FNIP1: variants seen among roughly 807,000 people sequenced by gnomAD.
FNIP1 encodes the protein folliculin interacting protein 1, also known as folliculin-interacting protein 1.
In FNIP1, 40 loss-of-function variants were observed where a neutral mutation model predicts 124.5. That is an observed-to-expected ratio of 0.32 (90% confidence interval 0.25 to 0.42). The LOEUF is 0.42. Among genes scored for constraint, FNIP1 ranks in the 10% least tolerant of loss-of-function variants. The pLI, the probability that FNIP1 is intolerant of heterozygous loss-of-function variation, is 1.00. For missense variants in FNIP1, 1,176 were observed against 1,403.7 expected (o/e 0.84, Z 2.59); for synonymous variants, 472 against 470.6 (o/e 1.00, Z -0.04).
At chr5:131,793,765 G>A (rs1456420837) in intron 1 of FNIP1, among the ~76,000 whole-genome samples, 14 of 152,182 alleles carry the variant, frequency 9.2e-5, no homozygotes, top group Admixed American at 9.2e-4. Flanking sequence ...TCTAGGAACT[G>A]CCTCTTAGGG....
intron 11 of FNIP1, among the ~76,000 whole-genome samples, chr5:131,693,305 TATATATATATACAC>T (rs1768552195): frequency 3.4e-5 from 1 of 29,806 alleles, no homozygotes; most frequent in Non-Finnish European, 8.5e-5. Flanking sequence ...TACATATATA[TATATATATATACAC>T]ATATATATAT....
intron 14 of FNIP1, 30 bp downstream of exon 14, chr5:131,671,475 G>C (rs765769999): frequency 6.6e-7 from 1 of 1,513,020 alleles, no homozygotes; most frequent in Non-Finnish European, 9.0e-7. Context: ...TTTATATAGG[G>C]CCCATTATAG....
In FNIP1 at chr5:131,679,109, C is replaced by T. The variant is rs751192603; in HGVS notation, c.1269G>A (p.Ser423=). The stretch of plus-strand genomic sequence containing the variant: ...AAAGGTGGTTCTTTTCTGGAGTCCC[C>T]GACATCATTGTAAGCCAGACAGGTT... ...IGEPVWLTMM[S]GTPEKNHLCY... Residue 423 remains serine (S), a synonymous_variant, in exon 12 of 18, where the codon TCG becomes TCA. Transcript: ENST00000510461. 4.4e-6 allele frequency: 7 copies of T among 1,607,440 alleles called. No individual in the cohort carries two copies. Among genetic ancestry groups the T allele is most frequent in the South Asian group, 1.1e-5 (1 of 90,748 alleles).
At chr5:131,787,636 C>T (rs891722857) in intron 1 of FNIP1, among the ~76,000 whole-genome samples, 1 of 152,134 alleles carries the variant, frequency 6.6e-6, no homozygotes, top group African/African-American at 2.4e-5. Flanking sequence ...GTGCCTGTTT[C>T]CTCATCAATG....
chr5:131,760,160 CATA>C (rs1269559732), intron 1 of FNIP1, among the ~76,000 whole-genome samples: 1 of 152,032 alleles, frequency 6.6e-6, no homozygotes, highest in Non-Finnish European at 1.5e-5. Flanking sequence ...TGATGGAATC[CATA>C]CCCCAGACCT....
At chr5:131,767,948 T>C (rs1256338899) in intron 1 of FNIP1, among the ~76,000 whole-genome samples, 1 of 152,192 alleles carries the variant, frequency 6.6e-6, no homozygotes, top group African/African-American at 2.4e-5. Context: ...AGACTTATTT[T>C]GTCACAATAA....
At position 131,695,153 on chromosome 5, in the gene FNIP1, A is replaced by AAATAAATAAAGC. The variant is rs1333332410; in HGVS notation, c.1202+3763_1202+3764insGCTTTATTTATT. On this transcript the variant is annotated intron_variant, in intron 11 of 17. Coordinates refer to ENST00000510461, the MANE Select transcript of FNIP1 (RefSeq NM_133372.3). ...TAAATAAATAAATAAATAAATAAATAAAGCATTAACTGGGAAAACTGTAGG... is the reference window on the plus strand; with the variant it reads ...TAAATAAATAAATAAATAAATAAATAAATAAATAAAGCAAGCATTAACTGGGAAAACTGTAGG... Among the ~76,000 whole-genome samples the AAATAAATAAAGC allele has an allele frequency of 2.1e-3, 295 of 141,016 alleles. 1 individual carries two copies. The highest frequency in any genetic ancestry group is 7.2e-3 in the African/African-American group (284 of 39,228). The allele number at this position is 141,016 out of a possible 152,430, so 92.5% of individuals were successfully genotyped here.
At chr5:131,769,172 A>C (rs1561698777) in intron 1 of FNIP1, among the ~76,000 whole-genome samples, 1 of 152,196 alleles carries the variant, frequency 6.6e-6, no homozygotes, top group Non-Finnish European at 1.5e-5. Context: ...GAGAATCATA[A>C]AATAAACATA....
intron 1 of FNIP1, among the ~76,000 whole-genome samples, chr5:131,768,980 G>A (rs755449196): frequency 5.3e-5 from 8 of 151,928 alleles, no homozygotes; most frequent in East Asian, 1.9e-4. Flanking sequence ...AGAGAATACC[G>A]TTAACTATAA....
chr5:131,693,645 G>A (rs1768592052), intron 11 of FNIP1, among the ~76,000 whole-genome samples: 1 of 151,784 alleles, frequency 6.6e-6, no homozygotes, highest in Admixed American at 6.6e-5. Flanking sequence ...TTACACTGGA[G>A]ATAATCTAAA....
At chr5:131,655,752 C>CAA (rs35443566) in intron 15 of FNIP1, among the ~76,000 whole-genome samples, 1,709 of 139,792 alleles carry the variant, frequency 0.012, 24 homozygotes, top group African/African-American at 0.032. Context: ...ACTAAAAATA[C>CAA]AAAAAAAAAA....
intron 10 of FNIP1, among the ~76,000 whole-genome samples, chr5:131,700,755 C>T (rs1436592599): frequency 1.3e-5 from 2 of 151,834 alleles, no homozygotes; most frequent in Non-Finnish European, 2.9e-5. Context: ...AAAAAATAGT[C>T]TGAAAACTGG....
At chr5:131,756,849 C>A (rs141500653) in intron 1 of FNIP1, among the ~76,000 whole-genome samples, 47 of 152,116 alleles carry the variant, frequency 3.1e-4, no homozygotes, top group Admixed American at 1.5e-3. Flanking sequence ...GGAGCTAGCC[C>A]AAGAAAAGCA....
intron 1 of FNIP1, chr5:131,796,527 A>G: frequency 2.4e-6 from 1 of 414,386 alleles, no homozygotes; most frequent in Non-Finnish European, 4.3e-6. Context: ...GTGGACCCAA[A>G]GTCTCAGGCC....
rs377376603 is a variant in FNIP1 at position 131,732,554 on chromosome 5, C to T, written c.220-1516G>A. 1.4e-3 allele frequency among the ~76,000 whole-genome samples: 212 copies of T among 152,304 alleles called. No individual in the cohort carries two copies. The East Asian group carries it at 0.016, about 11-fold the overall frequency. ...GTTTCAGCTTTCTACATATGGCTAG[C>T]CAGTTTTCCCAGCACCATTTGTTAA... On this transcript the variant is annotated intron_variant, in intron 2 of 17. Coordinates refer to ENST00000510461, the MANE Select transcript of FNIP1 (RefSeq NM_133372.3).
At chr5:131,736,043 G>A (rs1284949856) in intron 2 of FNIP1, among the ~76,000 whole-genome samples, 2 of 152,016 alleles carry the variant, frequency 1.3e-5, no homozygotes, top group African/African-American at 4.8e-5. Context: ...ATCCCTGGCT[G>A]GGATTACAGG....
chr5:131,671,821 T>C lies in FNIP1; in HGVS notation c.2623A>G (p.Thr875Ala), dbSNP rs766303309. Reference protein sequence around the residue: ...CMLEFSKILCTKNNKQNNEFC... With the variant: ...CMLEFSKILCAKNNKQNNEFC... Reference sequence around the variant, plus strand: ...TCATTGTTCTGCTTGTTATTTTTTGTACACAATATTTTTGAAAACTCTAAC... The same window carrying C: ...TCATTGTTCTGCTTGTTATTTTTTGCACACAATATTTTTGAAAACTCTAAC... The change falls in exon 14 of 18, where the codon ACA becomes GCA. Residue 875 changes from threonine (T) to alanine (A), a missense_variant. By Grantham distance (58) the Thr-to-Ala change is moderately conservative. Around this residue, in one of 2 missense-constraint regions of FNIP1, gnomAD observed 1,109 missense variants for 1,288.5 expected, o/e 0.86. Coordinates refer to ENST00000510461, the MANE Select transcript of FNIP1 (RefSeq NM_133372.3). 2 of 1,614,034 alleles carry C rather than the reference T, an allele frequency of 1.2e-6. No homozygotes were observed. Among genetic ancestry groups the C allele is most frequent in the Non-Finnish European group, 1.7e-6 (2 of 1,179,998 alleles).
chr5:131,796,996 C>G lies in FNIP1; in HGVS notation c.-75G>C, dbSNP rs1397502880. ...CTGCTCCTACAGCCGCCCCGCCACCCCCATGGGCGCCTCAGTCATATGACA... is the reference window on the plus strand; with the variant it reads ...CTGCTCCTACAGCCGCCCCGCCACCGCCATGGGCGCCTCAGTCATATGACA... On this transcript the variant is annotated 5_prime_UTR_variant, in exon 1 of 18. Transcript: ENST00000510461. 6 of 1,321,548 alleles carry G rather than the reference C, an allele frequency of 4.5e-6. No individual in the cohort carries two copies. The highest frequency in any genetic ancestry group is 6.3e-6 in the Non-Finnish European group (6 of 955,500). The allele number at this position is 1,321,548 out of a possible 1,614,324, so 81.9% of individuals were successfully genotyped here.
intron 10 of FNIP1, among the ~76,000 whole-genome samples, chr5:131,702,614 A>G (rs970038372): frequency 2.0e-5 from 3 of 152,210 alleles, no homozygotes; most frequent in African/African-American, 7.2e-5. Context: ...TTCAAAATGC[A>G]GTCCAAATGA....
Sources: gnomAD v4.1 joint callset for allele counts (sites outside exome capture counted in the v4.1 genomes callset) on GRCh38, gnomAD v4.1.1 for gene constraint, gnomAD v4.1.1 regional missense constraint, MANE v1.5 for transcripts, NCBI Gene and HGNC (gene_info 2026-07-23, HGNC 2026-07-21) for gene names.